ITFG1: variants seen among roughly 807,000 people sequenced by gnomAD.
ITFG1 encodes T-cell immunomodulatory protein.
In ITFG1, 34 loss-of-function variants were observed where a neutral mutation model predicts 81.8. The observed-to-expected ratio is 0.42, with a 90% CI of 0.32 to 0.55. The LOEUF (loss-of-function observed/expected upper bound fraction) is 0.55. ITFG1 is among the 20% of genes least tolerant of loss of function. The pLI is 0.17. For missense variants in ITFG1, 672 were observed against 755.4 expected, an observed-to-expected ratio of 0.89 and a Z score of 1.29; for synonymous variants, 285 against 270.6, an observed-to-expected ratio of 1.05 and a Z score of -0.52.
chr16:47,161,086 G>A (rs369571160), intron 16 of ITFG1, among the ~76,000 whole-genome samples: 43 of 151,926 alleles, frequency 2.8e-4, no homozygotes, highest in Admixed American at 1.4e-3. Context: ...TACTTTTATC[G>A]CCTAATTTAA....
intron 8 of ITFG1, among the ~76,000 whole-genome samples, chr16:47,318,054 T>C (rs1967390484): frequency 6.6e-6 from 1 of 152,130 alleles, no homozygotes. Context: ...ACAGTTAGAT[T>C]TGCATTTTTA....
chr16:47,297,873 A>T lies in ITFG1; in HGVS notation c.1070+13367T>A, dbSNP rs998341963. Reference sequence around the variant, plus strand: ...TGGGCCTCTTATATTTGAATGTGTAAATCTTTTGCAAGACTAGGGAAATTT... The same window carrying T: ...TGGGCCTCTTATATTTGAATGTGTATATCTTTTGCAAGACTAGGGAAATTT... On this transcript the variant is annotated intron_variant, in intron 10 of 17. Transcript: ENST00000320640. Among the ~76,000 whole-genome samples, 5 of 152,040 alleles carry T rather than the reference A, an allele frequency of 3.3e-5. No homozygotes were observed. The South Asian group carries it at 1.0e-3, about 32-fold the overall frequency.
intron 10 of ITFG1, among the ~76,000 whole-genome samples, chr16:47,266,148 A>G (rs1000283994): frequency 2.5e-4 from 38 of 152,342 alleles, no homozygotes; most frequent in African/African-American, 8.2e-4. Context: ...TAGCCATCAG[A>G]GAACTCCAAA....
intron 8 of ITFG1, among the ~76,000 whole-genome samples, chr16:47,335,433 A>G (rs1567464768): frequency 6.6e-6 from 1 of 152,148 alleles, no homozygotes; most frequent in Non-Finnish European, 1.5e-5. Context: ...CTAAGACATA[A>G]AAAGACAAGC....
At chr16:47,342,166 T>C (rs1188250798) in intron 8 of ITFG1, among the ~76,000 whole-genome samples, 2 of 152,156 alleles carry the variant, frequency 1.3e-5, no homozygotes, top group Non-Finnish European at 2.9e-5. Flanking sequence ...TTAAAATGAT[T>C]ATACACCATA....
At chr16:47,284,900 T>A (rs1391648429) in intron 10 of ITFG1, among the ~76,000 whole-genome samples, 1 of 152,234 alleles carries the variant, frequency 6.6e-6, no homozygotes, top group Non-Finnish European at 1.5e-5. Context: ...TATGGTGTAA[T>A]ATTTATTCTG....
chr16:47,204,235 C>A (rs1161857924), intron 14 of ITFG1, among the ~76,000 whole-genome samples: 2 of 152,114 alleles, frequency 1.3e-5, no homozygotes, highest in African/African-American at 4.8e-5. Context: ...TAAATTTTGT[C>A]AACCACACCT....
At chr16:47,291,357 C>T (rs926288610) in intron 10 of ITFG1, among the ~76,000 whole-genome samples, 6 of 151,994 alleles carry the variant, frequency 3.9e-5, no homozygotes, top group East Asian at 1.9e-4. Context: ...CATTCTCTTG[C>T]TGTTTTTAAA....
Position 47,228,062 on chromosome 16 carries a change from A to G in ITFG1, c.1375-9116T>C, listed in dbSNP as rs565907613. 8.2e-4 allele frequency among the ~76,000 whole-genome samples: 125 copies of G among 152,354 alleles called. 3 individuals are homozygous for G. The highest frequency in any genetic ancestry group is 2.7e-3 in the African/African-American group (114 of 41,590). ...GTTATTTTCCAATGAAAACTGCAAGATATTTTCCCTCTGACTAAGGTAAGT... is the reference window on the plus strand; with the variant it reads ...GTTATTTTCCAATGAAAACTGCAAGGTATTTTCCCTCTGACTAAGGTAAGT... On this transcript the variant is annotated intron_variant, in intron 13 of 17. Coordinates refer to ENST00000320640, the MANE Select transcript of ITFG1 (RefSeq NM_030790.5).
chr16:47,279,916 T>A (rs1966435023), intron 10 of ITFG1, among the ~76,000 whole-genome samples: 1 of 152,190 alleles, frequency 6.6e-6, no homozygotes, highest in Admixed American at 6.5e-5. Flanking sequence ...TTCTAGTTGT[T>A]CATTGCTAAT....
chr16:47,378,146 G>GC (rs1968350257), intron 6 of ITFG1, among the ~76,000 whole-genome samples: 1 of 152,158 alleles, frequency 6.6e-6, no homozygotes, highest in South Asian at 2.1e-4. Flanking sequence ...ACTAAGGGAG[G>GC]CATGAGTGCA....
chr16:47,157,608 T>C (rs1964734098), intron 17 of ITFG1: 1 of 152,232 alleles, frequency 6.6e-6, no homozygotes, highest in African/African-American at 2.4e-5. Flanking sequence ...GGACCAAGTA[T>C]GTATGGTTGT....
intron 14 of ITFG1, among the ~76,000 whole-genome samples, chr16:47,178,596 A>C (rs1019033875): frequency 1.4e-4 from 22 of 152,206 alleles, no homozygotes; most frequent in Non-Finnish European, 2.1e-4. Flanking sequence ...TAAAGACTTA[A>C]ATGTTAGACC....
intron 10 of ITFG1, among the ~76,000 whole-genome samples, chr16:47,270,686 T>C (rs1006570279): frequency 5.3e-5 from 8 of 152,168 alleles, no homozygotes; most frequent in African/African-American, 1.7e-4. Flanking sequence ...TATAAGCAAA[T>C]TGTGATGCAT....
intron 14 of ITFG1, among the ~76,000 whole-genome samples, chr16:47,182,770 G>A (rs1965145364): frequency 6.6e-6 from 1 of 152,230 alleles, no homozygotes; most frequent in Non-Finnish European, 1.5e-5. Context: ...GAGGAGCCAA[G>A]ATGGCCGAAT....
chr16:47,264,333 G>A (rs1311871840), intron 10 of ITFG1, among the ~76,000 whole-genome samples: 1 of 151,934 alleles, frequency 6.6e-6, no homozygotes, highest in Non-Finnish European at 1.5e-5. Context: ...AAGGGAATGG[G>A]ATATAGTCTG....
chr16:47,299,385 G>A (rs1180914181), intron 10 of ITFG1: 2 of 152,596 alleles, frequency 1.3e-5, no homozygotes, highest in African/African-American at 2.4e-5. Flanking sequence ...GTTGGGCCAC[G>A]GAATTCTCAG....
At chr16:47,305,648 T>A (rs1357088044) in intron 10 of ITFG1, among the ~76,000 whole-genome samples, 26 of 152,144 alleles carry the variant, frequency 1.7e-4, no homozygotes, top group Non-Finnish European at 1.5e-5. Context: ...CATAAGAGGT[T>A]ACCTGCAATG....
At chr16:47,180,415 G>A (rs979914764) in intron 14 of ITFG1, among the ~76,000 whole-genome samples, 2 of 151,432 alleles carry the variant, frequency 1.3e-5, no homozygotes, top group Non-Finnish European at 2.9e-5. Flanking sequence ...TCTTTCCACG[G>A]TCTCCCTCTG....
Sources: allele counts gnomAD v4.1 joint callset (sites outside exome capture counted in the v4.1 genomes callset), GRCh38; gene constraint gnomAD v4.1.1; transcripts MANE v1.5; gene names NCBI Gene and HGNC (gene_info 2026-07-23, HGNC 2026-07-21).